OCA2: variants seen among roughly 807,000 people sequenced by gnomAD.
OCA2 encodes P protein.
In OCA2, 77 loss-of-function variants were observed where a neutral mutation model predicts 100.2. That is an observed-to-expected ratio of 0.77 (90% CI 0.64 to 0.93). OCA2 has a LOEUF of 0.93. Among genes scored for constraint, OCA2 ranks in the 40% least tolerant of loss-of-function variants. The pLI, the probability that OCA2 is intolerant of heterozygous loss-of-function variation, is 0.00. For missense variants in OCA2, 1,062 were observed against 1,089.1 expected (o/e 0.98, Z 0.35); for synonymous variants, 432 against 439.2 (o/e 0.98, Z 0.21).
intron 23 of OCA2, among the ~76,000 whole-genome samples, chr15:27,837,816 CA>C (rs1389098601): frequency 1.5e-5 from 2 of 137,792 alleles, no homozygotes; most frequent in Non-Finnish European, 3.1e-5. Flanking sequence ...ACAGTGAGGG[CA>C]GGGGGGGAAA....
intron 3 of OCA2, among the ~76,000 whole-genome samples, chr15:28,029,556 C>T (rs1381173847): frequency 1.3e-5 from 2 of 152,182 alleles, no homozygotes; most frequent in Non-Finnish European, 2.9e-5. Context: ...CTATTTGTCA[C>T]TTGAAGTGTG....
chr15:27,738,235 A>G, the OCA2 span, among the ~76,000 whole-genome samples: 1 of 152,220 alleles, frequency 6.6e-6, no homozygotes, highest in African/African-American at 2.4e-5. Context: ...ATTATTAATA[A>G]GACCTAGAAA....
intron 14 of OCA2, among the ~76,000 whole-genome samples, chr15:27,975,839 T>C (rs2040947720): frequency 6.6e-6 from 1 of 152,172 alleles, no homozygotes; most frequent in African/African-American, 2.4e-5. Flanking sequence ...ATAGTTTTGA[T>C]GGGGATTGCT....
At position 28,081,032 on chromosome 15, in the gene OCA2, G is replaced by A. The variant is rs116973188; in HGVS notation, c.227+616C>T. ...ATACCACATATTCTCACGACAAGTG[G>A]GCGCTAACCCCCGGGTGCACATGGA... is the stretch of plus-strand genomic sequence containing the variant. On this transcript the variant is annotated intron_variant, in intron 2 of 23. Coordinates refer to ENST00000354638, the MANE Select transcript of OCA2 (RefSeq NM_000275.3). Among the ~76,000 whole-genome samples the A allele has an allele frequency of 4.1e-4, 62 of 152,206 alleles. No individual in the cohort carries two copies. In the East Asian group the frequency reaches 7.3e-3, roughly 18 times the overall value.
At chr15:27,984,795 T>A (rs956451963) in intron 13 of OCA2, among the ~76,000 whole-genome samples, 3 of 152,188 alleles carry the variant, frequency 2.0e-5, no homozygotes, top group Non-Finnish European at 4.4e-5. Flanking sequence ...TGTCTCCCCA[T>A]GAGACCACAA....
chr15:28,090,252 ATAGT>A (rs996993440), intron 1 of OCA2, among the ~76,000 whole-genome samples: 16 of 152,370 alleles, frequency 1.1e-4, no homozygotes, highest in African/African-American at 3.8e-4. Flanking sequence ...GTATAGTTTT[ATAGT>A]TAGAGACTTA....
At chr15:27,932,681 G>T (rs1032131938) in intron 18 of OCA2, among the ~76,000 whole-genome samples, 1 of 152,178 alleles carries the variant, frequency 6.6e-6, no homozygotes, top group Non-Finnish European at 1.5e-5. Flanking sequence ...TATTTTTGTT[G>T]TGGTGGTTTG....
intron 23 of OCA2, among the ~76,000 whole-genome samples, chr15:27,813,845 T>C (rs1188353057): frequency 1.3e-5 from 2 of 152,230 alleles, no homozygotes; most frequent in Admixed American, 1.3e-4. Flanking sequence ...CTGCATCTTA[T>C]AAAATCTATA....
chr15:28,013,982 T>G (rs144760982), intron 9 of OCA2, among the ~76,000 whole-genome samples: 2,038 of 152,198 alleles, frequency 0.013, 42 homozygotes, highest in African/African-American at 0.047. Flanking sequence ...TCAGCAAGTG[T>G]ACTCAACAAC....
chr15:27,906,704 C>T (rs1447532676), intron 19 of OCA2, among the ~76,000 whole-genome samples: 2 of 151,628 alleles, frequency 1.3e-5, no homozygotes, highest in Admixed American at 6.6e-5. Context: ...ATAAACAAAA[C>T]GACAATGGAG....
chr15:27,990,516 C>T (rs2041518343), intron 10 of OCA2, 60 bp downstream of exon 10: 1 of 1,520,186 alleles, frequency 6.6e-7, no homozygotes, highest in Admixed American at 1.7e-5. Flanking sequence ...AATCCTGGAA[C>T]ATCTTTGAGC....
In OCA2 at chr15:28,084,335, AC is replaced by A. The variant is rs141835918; in HGVS notation, c.-21-2441del. On this transcript the variant is annotated intron_variant, in intron 1 of 23. Transcript: ENST00000354638. Reference sequence around the variant, plus strand: ...GGACTCACACAGGAACATACCACCCACCCTTAGTGCAACAAATGTCCATTCT... The same window carrying A: ...GGACTCACACAGGAACATACCACCCACCTTAGTGCAACAAATGTCCATTCT... Among the ~76,000 whole-genome samples the A allele has an allele frequency of 7.3e-3, 1,109 of 151,996 alleles. 19 individuals are homozygous for A. Among genetic ancestry groups the A allele is most frequent in the African/African-American group, 0.026 (1,064 of 41,424 alleles).
At chr15:27,825,811 C>A (rs1464413593) in intron 23 of OCA2, among the ~76,000 whole-genome samples, 2 of 152,236 alleles carry the variant, frequency 1.3e-5, no homozygotes, top group African/African-American at 4.8e-5. Context: ...GCCCAGCCCA[C>A]TATGCCCCAG....
chr15:28,003,959 T>G (rs1000100184), intron 9 of OCA2, among the ~76,000 whole-genome samples: 2 of 152,178 alleles, frequency 1.3e-5, no homozygotes, highest in African/African-American at 4.8e-5. Flanking sequence ...ACCTGTCCCT[T>G]CCCGGCTCTG....
chr15:27,770,945 T>TGCTTCCATCTTTCCTTCCTC (rs2031766613), intron 23 of OCA2, among the ~76,000 whole-genome samples: 1 of 88,246 alleles, frequency 1.1e-5, no homozygotes, highest in African/African-American at 3.5e-5. Flanking sequence ...CTTCCTTCCT[T>TGCTTCCATCTTTCCTTCCTC]GCTTCCATCT....
At chr15:27,990,673 G>A (rs375750039) in intron 9 of OCA2, 26 bp from the exon 10 acceptor site, 42 of 1,602,930 alleles carry the variant, frequency 2.6e-5, no homozygotes, top group Admixed American at 3.3e-5. Context: ...GGAAATTACC[G>A]CGTTCCAGTG....
At chr15:27,734,859 C>T in the OCA2 span, among the ~76,000 whole-genome samples, 9 of 152,322 alleles carry the variant, frequency 5.9e-5, no homozygotes, top group South Asian at 2.1e-4. Flanking sequence ...GACTGCTGAA[C>T]GGCTTTTCCA....
At chr15:27,927,124 T>C (rs1013940965) in intron 18 of OCA2, among the ~76,000 whole-genome samples, 19 of 152,134 alleles carry the variant, frequency 1.2e-4, no homozygotes, top group African/African-American at 4.6e-4. Context: ...ACCCCGTCTC[T>C]ACTAAAAATA....
At chr15:27,768,358 G>T (rs976424693) in intron 23 of OCA2, among the ~76,000 whole-genome samples, 1 of 152,200 alleles carries the variant, frequency 6.6e-6, no homozygotes, top group African/African-American at 2.4e-5. Flanking sequence ...TGGGACTTCA[G>T]TCACACGCCG....
Sources: allele counts gnomAD v4.1 joint callset (sites outside exome capture counted in the v4.1 genomes callset), GRCh38; gene constraint gnomAD v4.1.1; transcripts MANE v1.5; gene names NCBI Gene and HGNC (gene_info 2026-07-23, HGNC 2026-07-21).